NPHP4: variants seen among roughly 807,000 people sequenced by gnomAD.
NPHP4 encodes the protein nephrocystin-4.
In NPHP4, 151 loss-of-function variants were observed where a neutral mutation model predicts 155.8. That is an observed-to-expected ratio of 0.97 (90% confidence interval 0.85 to 1.11). NPHP4 has a LOEUF of 1.11. Among genes scored for constraint, NPHP4 ranks in the 50% least tolerant of loss-of-function variants. NPHP4 has a pLI of 0.00. For missense variants in NPHP4, 1,956 were observed against 1,925.7 expected (o/e 1.02, Z -0.29); for synonymous variants, 845 against 816.8 (o/e 1.03, Z -0.59).
At position 5,863,976 on chromosome 1, in the gene NPHP4, A is replaced by C. The variant is rs1640912221; in HGVS notation, c.4054T>G (p.Tyr1352Asp). 2.5e-6 allele frequency: 4 copies of C among 1,613,678 alleles called. No homozygotes were observed. In the African/African-American group the frequency reaches 5.3e-5, roughly 22 times the overall value. Reference sequence around the variant, plus strand: ...CTCCGGGAGGGGTAGGGGTTGGTGTAGGTGATCCTCTTGTTGACACCCTTC... The same window carrying C: ...CTCCGGGAGGGGTAGGGGTTGGTGTCGGTGATCCTCTTGTTGACACCCTTC... ...EGKGVNKRIT[Y>D]TNPYPSRRTF... is the part of the protein sequence containing the mutation. The change falls in exon 29 of 30, where the codon TAC (tyrosine) becomes GAC (aspartate). Residue 1352 changes from tyrosine to aspartate, a missense_variant. Transcript: ENST00000378156.
intron 5 of NPHP4, among the ~76,000 whole-genome samples, chr1:5,964,941 A>ATATATATTTTTTTTTTTTTTTTTTTTT: frequency 1.0e-4 from 6 of 59,410 alleles, no homozygotes; most frequent in African/African-American, 5.1e-4. Flanking sequence ...ATATATATAT[A>ATATATATTTTTTTTTTTTTTTTTTTTT]TTTTTTTTTT....
intron 3 of NPHP4, among the ~76,000 whole-genome samples, chr1:5,973,139 C>T (rs1341026190): frequency 6.6e-6 from 1 of 152,228 alleles, no homozygotes; most frequent in African/African-American, 2.4e-5. Context: ...TCCACCTGGG[C>T]CTCCCAAAGT....
chr1:5,865,141 CCTCA>C lies in NPHP4; in HGVS notation c.3773_3776del (p.Val1258GlyfsTer3), dbSNP rs776535691. The C allele has an allele frequency of 5.0e-6, 8 of 1,613,704 alleles. No homozygotes were observed. The highest frequency in any genetic ancestry group is 3.3e-5 in the South Asian group (3 of 91,080). On this transcript the variant is annotated frameshift_variant, in exon 27 of 30. Coordinates refer to ENST00000378156, the MANE Select transcript of NPHP4 (RefSeq NM_015102.5). LOFTEE classifies it high-confidence loss of function. Reference sequence around the variant, plus strand: ...GATGAGAGGTGAAAGCTCTCACTTTCCTCACTGTCTGTGTCCCCCGAAGGACAAG... The same window carrying C: ...GATGAGAGGTGAAAGCTCTCACTTTCCTGTCTGTGTCCCCCGAAGGACAAG...
intron 23 of NPHP4, among the ~76,000 whole-genome samples, chr1:5,869,042 CAT>C: frequency 7.1e-6 from 1 of 140,278 alleles, no homozygotes; most frequent in African/African-American, 2.7e-5. Flanking sequence ...TACATGCACA[CAT>C]GCCCCCACAC....
At position 5,875,025 on chromosome 1, in the gene NPHP4, C is replaced by A; in HGVS notation, c.2893G>T (p.Glu965Ter). ...AGGCTCAGCAGGCTGGCGATGCTCT[C>A]GGCCTTCGTGCGTTCCCGGTAGGCG... is the stretch of plus-strand genomic sequence containing the variant. The part of the protein sequence containing the change: ...IAAYRERTKA[E>*]SIASLLSLAI... The change falls in exon 21 of 30, where the codon GAG (glutamate) becomes TAG (stop). Residue 965 changes from glutamate to a stop codon, truncating the protein, a stop_gained. Coordinates refer to ENST00000378156, the MANE Select transcript of NPHP4 (RefSeq NM_015102.5). LOFTEE classifies it high-confidence loss of function. 6.2e-7 allele frequency: 1 copy of A among 1,610,560 alleles called. No homozygotes were observed. Among genetic ancestry groups the A allele is most frequent in the Non-Finnish European group, 8.5e-7 (1 of 1,179,870 alleles).
At chr1:5,891,049 G>A (rs780628435) in intron 16 of NPHP4, 21 bp from the exon 17 acceptor site, 2 of 1,476,780 alleles carry the variant, frequency 1.4e-6, no homozygotes, top group East Asian at 4.7e-5. Flanking sequence ...GGCACCAAAG[G>A]AGGCCAAAAG....
rs372733074 is a variant in NPHP4, at chr1:5,905,609, T to A, written c.1763+23A>T. The A allele has an allele frequency of 1.9e-5, 31 of 1,612,716 alleles. No homozygotes were observed. The highest frequency in any genetic ancestry group is 1.7e-5 in the Non-Finnish European group (20 of 1,179,418). On this transcript the variant is annotated intron_variant, in intron 14 of 29. Coordinates refer to ENST00000378156, the MANE Select transcript of NPHP4 (RefSeq NM_015102.5). The surrounding 1 kb of genome is among the most constrained non-coding windows in gnomAD (Gnocchi z 4.0). ...ACGGCACAGCACGTGACTGGTTCCA[T>A]CCCACCCAGACCCACACCTCACCTC...
At position 5,922,336 on chromosome 1, in the gene NPHP4, G is replaced by T. The variant is rs529559934; in HGVS notation, c.1441+5313C>A. On this transcript the variant is annotated intron_variant, in intron 11 of 29. Transcript: ENST00000378156. ...GCTCCTGTTGCAACGTCACTAATTT[G>T]TTGTAACAGCAACCAGAAACTAATA... 2.6e-5 allele frequency among the ~76,000 whole-genome samples: 4 copies of T among 152,332 alleles called. 1 individual carries two copies. In the South Asian group the frequency reaches 8.3e-4, roughly 32 times the overall value.
At chr1:5,883,429 C>T (rs900238381) in intron 18 of NPHP4, among the ~76,000 whole-genome samples, 1 of 152,242 alleles carries the variant, frequency 6.6e-6, no homozygotes, top group Non-Finnish European at 1.5e-5. Flanking sequence ...GCCCCAAAGC[C>T]TCAGTTTCCC....
chr1:5,865,808 G>A (rs12122894), intron 26 of NPHP4: 20,360 of 163,992 alleles, frequency 0.12, 1,615 homozygotes, highest in Non-Finnish European at 0.17. Flanking sequence ...ACGTGGTCAC[G>A]TGGCCCCTCT....
intron 2 of NPHP4, 103 bp from the exon 3 acceptor site, chr1:5,978,516 T>C: frequency 9.0e-7 from 1 of 1,107,150 alleles, no homozygotes; most frequent in Non-Finnish European, 1.3e-6. Flanking sequence ...CGCTCAGATA[T>C]CAGCACGCTG....
chr1:5,874,324 TG>T, intron 22 of NPHP4, 146 bp downstream of exon 22: 1 of 746,542 alleles, frequency 1.3e-6, no homozygotes, highest in South Asian at 2.2e-5. Flanking sequence ...CCAGGGCTCT[TG>T]TTGAGCACCA....
At chr1:5,989,105 A>G (rs1057483560) in intron 1 of NPHP4, among the ~76,000 whole-genome samples, 5 of 152,074 alleles carry the variant, frequency 3.3e-5, no homozygotes, top group African/African-American at 1.2e-4. Flanking sequence ...GGAGGAACAC[A>G]TGGCCCACAC....
Position 5,910,346 on chromosome 1 carries a change from C to T in NPHP4, c.1442-1133G>A, listed in dbSNP as rs1645117451. ...TCCACTGCAGCAGACACTACCACTC[C>T]CCATCGGACTTCCAGGATAACCCAG... On this transcript the variant is annotated intron_variant, in intron 11 of 29. Transcript: ENST00000378156. This position sits in a 1 kb window ranked among gnomAD's most constrained non-coding sequence, Gnocchi z 5.4. 6.6e-6 allele frequency among the ~76,000 whole-genome samples: 1 copy of T among 152,186 alleles called. No homozygotes were observed. Among genetic ancestry groups the T allele is most frequent in the African/African-American group, 2.4e-5 (1 of 41,450 alleles).
intron 2 of NPHP4, among the ~76,000 whole-genome samples, chr1:5,982,815 C>G (rs775175295): frequency 6.6e-6 from 1 of 151,976 alleles, no homozygotes; most frequent in Non-Finnish European, 1.5e-5. Flanking sequence ...TGTTAATTTC[C>G]TATTTGAGGA....
rs1644160674 is a variant in NPHP4 at position 5,892,081 on chromosome 1, C to T, written c.2144-1053G>A. On this transcript the variant is annotated intron_variant, in intron 16 of 29. Coordinates refer to ENST00000378156, the MANE Select transcript of NPHP4 (RefSeq NM_015102.5). The surrounding 1 kb of genome is among the most constrained non-coding windows in gnomAD (Gnocchi z 4.5). The stretch of plus-strand genomic sequence containing the variant: ...GGCAAATAAGGAATCTGGAGGAAGA[C>T]CAAGGAGGAGCTGGTGATTAACATC... Among the ~76,000 whole-genome samples, 1 of 152,168 alleles carries T rather than the reference C, an allele frequency of 6.6e-6. No homozygotes were observed. The highest frequency in any genetic ancestry group is 1.5e-5 in the Non-Finnish European group (1 of 68,022).
intron 19 of NPHP4, among the ~76,000 whole-genome samples, chr1:5,878,021 G>A (rs548324406): frequency 1.7e-3 from 260 of 152,336 alleles, no homozygotes; most frequent in African/African-American, 5.4e-3. Context: ...ACCAGGCCAC[G>A]CCAAAGGCTG....
At chr1:5,868,897 C>T (rs538757098) in intron 23 of NPHP4, among the ~76,000 whole-genome samples, 13 of 145,622 alleles carry the variant, frequency 8.9e-5, no homozygotes, top group Non-Finnish European at 1.5e-4. Context: ...CATATGCACG[C>T]CCACATGCAT....
In NPHP4 at chr1:5,877,077, C is replaced by T. The variant is rs371532614; in HGVS notation, c.2817+16G>A. 6.0e-6 allele frequency: 9 copies of T among 1,488,442 alleles called. No individual in the cohort carries two copies. In the East Asian group the frequency reaches 2.2e-4, roughly 36 times the overall value. 92.2% of individuals were successfully genotyped at this position (1,488,442 alleles called of 1,614,324 possible). On this transcript the variant is annotated intron_variant, in intron 20 of 29. Transcript: ENST00000378156. ...CATGGAGATCCCAGGACAGTGACAG[C>T]TGAACAAACCCTTACCAACACGCTC...
Sources: gnomAD v4.1 joint callset for allele counts (sites outside exome capture counted in the v4.1 genomes callset) on GRCh38, gnomAD v4.1.1 for gene constraint, Gnocchi (gnomAD v3.1) non-coding constraint, MANE v1.5 for transcripts, NCBI Gene and HGNC (gene_info 2026-07-23, HGNC 2026-07-21) for gene names.